Variants in LHFPL2 observed in about 807,000 individuals in gnomAD.
The protein encoded by LHFPL2 is LHFPL tetraspan subfamily member 2 protein.
A neutral mutation model predicts 17.5 loss-of-function variants in LHFPL2; 7 were observed. The ratio of observed to expected loss-of-function variants is 0.40; its 90% CI spans 0.23 to 0.75. The LOEUF is 0.75. LHFPL2 is among the 30% of genes least tolerant of loss of function. LHFPL2 has a pLI of 0.37. For synonymous variants in LHFPL2, 134 were observed against 116.2 expected (o/e 1.15, Z -0.99); for missense variants, 241 against 294.8 (o/e 0.82, Z 1.34).
At chr5:78,631,520 G>C (rs1324356255) in intron 2 of LHFPL2, among the ~76,000 whole-genome samples, 1 of 152,214 alleles carries the variant, frequency 6.6e-6, no homozygotes, top group Non-Finnish European at 1.5e-5. Context: ...AAACAAGTAC[G>C]TAAAGCTCAC....
intron 2 of LHFPL2, among the ~76,000 whole-genome samples, chr5:78,590,895 G>A (rs1214626748): frequency 6.6e-6 from 1 of 152,102 alleles, no homozygotes; most frequent in Non-Finnish European, 1.5e-5. Context: ...GTCTCTCAAA[G>A]GCCTCCGATT....
intron 3 of LHFPL2, among the ~76,000 whole-genome samples, chr5:78,519,240 G>T (rs1755378109): frequency 6.6e-6 from 1 of 152,122 alleles, no homozygotes; most frequent in Non-Finnish European, 1.5e-5. Flanking sequence ...TGATAAAAAG[G>T]AGCATGTCCC....
chr5:78,576,001 G>GT (rs1344293100), intron 2 of LHFPL2, among the ~76,000 whole-genome samples: 1 of 152,120 alleles, frequency 6.6e-6, no homozygotes, highest in African/African-American at 2.4e-5. Flanking sequence ...GCCAAAATAT[G>GT]TAAGATAAAT....
chr5:78,605,444 A>T (rs1744181148), intron 2 of LHFPL2, among the ~76,000 whole-genome samples: 1 of 152,150 alleles, frequency 6.6e-6, no homozygotes, highest in Non-Finnish European at 1.5e-5. Context: ...CCTCTGTGCC[A>T]CCATAGGCTG....
At chr5:78,494,175 A>G (rs1406115609) in intron 4 of LHFPL2, among the ~76,000 whole-genome samples, 1 of 152,116 alleles carries the variant, frequency 6.6e-6, no homozygotes, top group East Asian at 1.9e-4. Context: ...GCAATGGAAG[A>G]AGGAAGGGAC....
intron 3 of LHFPL2, among the ~76,000 whole-genome samples, chr5:78,543,831 T>C (rs1221894113): frequency 6.6e-6 from 1 of 152,214 alleles, no homozygotes; most frequent in African/African-American, 2.4e-5. Context: ...CAAGACATCA[T>C]GCCATTGCTG....
At chr5:78,517,175 C>G (rs947780780) in intron 3 of LHFPL2, among the ~76,000 whole-genome samples, 2 of 152,176 alleles carry the variant, frequency 1.3e-5, no homozygotes, top group African/African-American at 4.8e-5. Context: ...GCTTCTTTTC[C>G]CCTTGAAACT....
intron 2 of LHFPL2, among the ~76,000 whole-genome samples, chr5:78,619,052 G>A (rs991899419): frequency 3.3e-5 from 5 of 152,060 alleles, no homozygotes; most frequent in African/African-American, 1.2e-4. Context: ...TTGAGGCAAG[G>A]TCTGGCTCTG....
At chr5:78,560,774 C>G (rs1219968076) in intron 3 of LHFPL2, among the ~76,000 whole-genome samples, 3 of 151,990 alleles carry the variant, frequency 2.0e-5, no homozygotes, top group East Asian at 3.9e-4. Context: ...AATTGTCAGA[C>G]TATGAACAAA....
chr5:78,584,993 G>GTTTTTTTTTT lies in LHFPL2; in HGVS notation c.-244-20123_-244-20122insAAAAAAAAAA, dbSNP rs1561352310. Among the ~76,000 whole-genome samples, 15 of 84,772 alleles carry GTTTTTTTTTT rather than the reference G, an allele frequency of 1.8e-4. 2 individuals carry two copies. The highest frequency in any genetic ancestry group is 7.4e-4 in the African/African-American group (15 of 20,190). 55.6% of individuals were successfully genotyped at this position (84,772 alleles called of 152,430 possible). On this transcript the variant is annotated intron_variant, in intron 2 of 4. Coordinates refer to ENST00000380345, the MANE Select transcript of LHFPL2 (RefSeq NM_005779.3). Reference sequence around the variant, plus strand: ...GCGGGATATAATCTCCTGGTGCGCTGTGTTTTTTTTTTTTTTTTTTTTTTT... The same window carrying GTTTTTTTTTT: ...GCGGGATATAATCTCCTGGTGCGCTGTTTTTTTTTTTGTTTTTTTTTTTTTTTTTTTTTTT...
intron 4 of LHFPL2, 117 bp from the exon 5 acceptor site, chr5:78,489,270 G>GA: frequency 8.8e-7 from 1 of 1,131,042 alleles, no homozygotes; most frequent in South Asian, 1.5e-5. Context: ...TTCTGCAATA[G>GA]AAAGTGTTGG....
intron 3 of LHFPL2, among the ~76,000 whole-genome samples, chr5:78,517,018 C>T (rs1305310492): frequency 6.6e-6 from 1 of 152,246 alleles, no homozygotes. Flanking sequence ...TTCTCTCAAA[C>T]TCCTCTCCTC....
chr5:78,549,690 C>T (rs1163980358), intron 3 of LHFPL2, among the ~76,000 whole-genome samples: 3 of 152,200 alleles, frequency 2.0e-5, no homozygotes, highest in East Asian at 3.8e-4. Context: ...TCCTGTAACA[C>T]GATTTTGGAA....
At chr5:78,644,748 G>T in intron 1 of LHFPL2, 1 of 237,826 alleles carries the variant, frequency 4.2e-6, no homozygotes, top group Non-Finnish European at 8.7e-6. Flanking sequence ...AGCTGACTGA[G>T]CATCTGGGTG....
intron 3 of LHFPL2, chr5:78,548,915 A>G (rs895677409): frequency 1.3e-5 from 2 of 152,010 alleles, no homozygotes; most frequent in Non-Finnish European, 2.9e-5. Context: ...AGAAAATTGT[A>G]TTTTTCTGTC....
chr5:78,596,181 T>C (rs1743818888), intron 2 of LHFPL2, among the ~76,000 whole-genome samples: 1 of 152,184 alleles, frequency 6.6e-6, no homozygotes, highest in African/African-American at 2.4e-5. Flanking sequence ...CACAATATCA[T>C]TATAATGTCT....
At chr5:78,505,657 C>A (rs974735666) in intron 4 of LHFPL2, among the ~76,000 whole-genome samples, 4 of 152,174 alleles carry the variant, frequency 2.6e-5, no homozygotes, top group African/African-American at 9.7e-5. Flanking sequence ...TTGATTGGAA[C>A]AGAGTAAGGT....
At chr5:78,620,315 T>C (rs1377855784) in intron 2 of LHFPL2, among the ~76,000 whole-genome samples, 1 of 152,200 alleles carries the variant, frequency 6.6e-6, no homozygotes, top group Non-Finnish European at 1.5e-5. Context: ...TTTTGAGAAG[T>C]GTCTGTTCAT....
chr5:78,585,810 C>A (rs1408907476), intron 2 of LHFPL2, among the ~76,000 whole-genome samples: 3 of 152,142 alleles, frequency 2.0e-5, no homozygotes, highest in Non-Finnish European at 4.4e-5. Flanking sequence ...ATGAGATAGG[C>A]TATTAACCTC....
Sources: allele counts gnomAD v4.1 joint callset (sites outside exome capture counted in the v4.1 genomes callset), GRCh38; gene constraint gnomAD v4.1.1; transcripts MANE v1.5; gene names NCBI Gene and HGNC (gene_info 2026-07-23, HGNC 2026-07-21).